Variants in TNS3 observed in about 807,000 individuals in gnomAD.
The protein encoded by TNS3 is tensin 3.
In TNS3, 45 loss-of-function variants were observed where a neutral mutation model predicts 140.9. That is an observed-to-expected ratio of 0.32 (90% CI 0.25 to 0.41). The LOEUF (loss-of-function observed/expected upper bound fraction) is 0.41. TNS3 is among the 10% of genes least tolerant of loss of function. The pLI, the probability that TNS3 is intolerant of heterozygous loss-of-function variation, is 1.00. For missense variants in TNS3, 1,716 were observed against 1,906.7 expected (o/e 0.90, Z 1.86); for synonymous variants, 815 against 788.4 (o/e 1.03, Z -0.56).
intron 1 of TNS3, among the ~76,000 whole-genome samples, chr7:47,570,791 G>A (rs890368951): frequency 1.3e-5 from 2 of 152,186 alleles, no homozygotes; most frequent in South Asian, 2.1e-4. Flanking sequence ...CTAACTCTAA[G>A]CTCCTTCTAA....
intron 17 of TNS3, among the ~76,000 whole-genome samples, chr7:47,355,233 C>A (rs1411102822): frequency 6.6e-6 from 1 of 152,232 alleles, no homozygotes; most frequent in African/African-American, 2.4e-5. Context: ...GGACACCGAG[C>A]CTGCGAGGCA....
At chr7:47,552,134 C>A (rs1800081202) in intron 1 of TNS3, among the ~76,000 whole-genome samples, 1 of 151,866 alleles carries the variant, frequency 6.6e-6, no homozygotes, top group South Asian at 2.1e-4. Context: ...TTATTTTTCT[C>A]CTGAGGCTAT....
intron 1 of TNS3, among the ~76,000 whole-genome samples, chr7:47,568,763 C>T (rs146291152): frequency 6.6e-6 from 1 of 152,196 alleles, no homozygotes; most frequent in Non-Finnish European, 1.5e-5. Flanking sequence ...GTGGGGGAGT[C>T]GTGAGTGGCA....
At chr7:47,426,143 A>G (rs1311241701) in intron 9 of TNS3, among the ~76,000 whole-genome samples, 5 of 152,144 alleles carry the variant, frequency 3.3e-5, no homozygotes, top group Admixed American at 6.5e-5. Flanking sequence ...TTAGCTGGGC[A>G]TAGTGGCGGG....
chr7:47,532,063 GCC>G lies in TNS3; in HGVS notation c.-264-2918_-264-2917del, dbSNP rs57977999. 2.3e-3 allele frequency among the ~76,000 whole-genome samples: 351 copies of G among 151,514 alleles called. 3 individuals are homozygous for G. Among genetic ancestry groups the G allele is most frequent in the Non-Finnish European group, 1.2e-3 (79 of 67,850 alleles). On this transcript the variant is annotated intron_variant, in intron 1 of 30. Transcript: ENST00000311160. ...GCCTGCACCCTCGGGCGCATGGGAAGCCCCCCCCCGCCCACCATCCCTGCTGG... is the reference window on the plus strand; with the variant it reads ...GCCTGCACCCTCGGGCGCATGGGAAGCCCCCCCGCCCACCATCCCTGCTGG...
chr7:47,367,572 G>T (rs918267500), intron 17 of TNS3, among the ~76,000 whole-genome samples: 1 of 152,166 alleles, frequency 6.6e-6, no homozygotes, highest in African/African-American at 2.4e-5. Context: ...CACGGGAAAA[G>T]GACATGTGCA....
At chr7:47,334,601 G>A (rs1788522054) in intron 20 of TNS3, among the ~76,000 whole-genome samples, 1 of 138,822 alleles carries the variant, frequency 7.2e-6, no homozygotes, top group African/African-American at 2.7e-5. Context: ...TCAGAACCAC[G>A]ACTCTTTTTT....
At chr7:47,474,170 A>T (rs1019050057) in intron 4 of TNS3, among the ~76,000 whole-genome samples, 1 of 147,666 alleles carries the variant, frequency 6.8e-6, no homozygotes, top group Non-Finnish European at 1.5e-5. Flanking sequence ...AACCTCACAC[A>T]CAACACCTCA....
intron 17 of TNS3, among the ~76,000 whole-genome samples, chr7:47,353,686 A>G (rs962763653): frequency 1.3e-5 from 2 of 152,166 alleles, no homozygotes; most frequent in Non-Finnish European, 2.9e-5. Context: ...TCAATGTGAA[A>G]TGACCAGCAC....
intron 28 of TNS3, 39 bp from the exon 29 acceptor site, chr7:47,280,393 T>TGGGAGAGAG (rs775639052): frequency 6.2e-7 from 1 of 1,601,818 alleles, no homozygotes; most frequent in African/African-American, 1.3e-5. Context: ...CTCCTGTTAC[T>TGGGAGAGAG]AGGGCTTTTG....
chr7:47,464,172 A>T (rs970341782), intron 4 of TNS3, among the ~76,000 whole-genome samples: 2 of 152,214 alleles, frequency 1.3e-5, no homozygotes, highest in East Asian at 3.9e-4. Context: ...AAAGACGTGC[A>T]CTTCTTTTCC....
intron 20 of TNS3, among the ~76,000 whole-genome samples, chr7:47,315,019 G>A (rs1787313619): frequency 6.6e-6 from 1 of 152,242 alleles, no homozygotes. Flanking sequence ...CCCCTATGAA[G>A]ATGTGTTTCC....
Position 47,292,859 on chromosome 7 carries a change from G to A in TNS3, c.3819C>T (p.Ala1273=). The part of the protein sequence containing the change: ...LVCQHSITPL[A]LPCKLLIPER... ...CTGGGATAAGCAGCTTGCACGGCAAGGCCAAGGGCGTGATGGAATGCTGGC... is the reference window on the plus strand; with the variant it reads ...CTGGGATAAGCAGCTTGCACGGCAAAGCCAAGGGCGTGATGGAATGCTGGC... The change falls in exon 26 of 31, where the codon GCC becomes GCT. Residue 1273 remains alanine (A), a synonymous_variant. Coordinates refer to ENST00000311160, the MANE Select transcript of TNS3 (RefSeq NM_022748.12). The A allele has an allele frequency of 6.2e-7, 1 of 1,614,188 alleles. No individual in the cohort carries two copies. Among genetic ancestry groups the A allele is most frequent in the South Asian group, 1.1e-5 (1 of 91,074 alleles).
At chr7:47,539,989 C>A (rs371507286) in intron 1 of TNS3, among the ~76,000 whole-genome samples, 5 of 152,192 alleles carry the variant, frequency 3.3e-5, no homozygotes, top group Admixed American at 1.3e-4. Context: ...CAGGCACAGA[C>A]CCTCACCTCA....
At chr7:47,352,824 T>C (rs908155125) in intron 17 of TNS3, among the ~76,000 whole-genome samples, 3 of 152,176 alleles carry the variant, frequency 2.0e-5, no homozygotes, top group African/African-American at 4.8e-5. Context: ...GGTGACTCCA[T>C]GGCAGTGGTG....
chr7:47,363,674 A>T (rs1295856209), intron 17 of TNS3, among the ~76,000 whole-genome samples: 2 of 152,162 alleles, frequency 1.3e-5, no homozygotes, highest in East Asian at 3.9e-4. Flanking sequence ...GAAGGGGCTC[A>T]TGTAGACATA....
intron 1 of TNS3, among the ~76,000 whole-genome samples, chr7:47,564,132 T>C (rs1254183405): frequency 7.2e-6 from 1 of 138,576 alleles, no homozygotes; most frequent in East Asian, 2.2e-4. Context: ...AGGTGGAGCT[T>C]GCAGTGAGCC....
intron 4 of TNS3, among the ~76,000 whole-genome samples, chr7:47,456,338 G>A (rs748800156): frequency 1.3e-5 from 2 of 152,114 alleles, no homozygotes; most frequent in African/African-American, 2.4e-5. Flanking sequence ...ACTGCCGACC[G>A]AGCTTTTACC....
At chr7:47,516,949 G>C (rs150567108) in intron 2 of TNS3, among the ~76,000 whole-genome samples, 3,328 of 152,188 alleles carry the variant, frequency 0.022, 108 homozygotes, top group African/African-American at 0.075. Context: ...TGTAATCCCA[G>C]CTACTCGGGA....
Sources: allele counts gnomAD v4.1 joint callset (sites outside exome capture counted in the v4.1 genomes callset), GRCh38; gene constraint gnomAD v4.1.1; transcripts MANE v1.5; gene names NCBI Gene and HGNC (gene_info 2026-07-23, HGNC 2026-07-21).